Variants in GPC6 observed in about 807,000 individuals in gnomAD.
GPC6 encodes the protein glypican-6.
A neutral mutation model predicts 55.2 loss-of-function variants in GPC6; 14 were observed. That is an observed-to-expected ratio of 0.25 (90% confidence interval 0.17 to 0.40). The LOEUF is 0.40. Among genes scored for constraint, GPC6 ranks in the 10% least tolerant of loss-of-function variants. The probability of loss-of-function intolerance (pLI) is 1.00; values close to 1 mark genes in which losing one functional copy is unlikely to be tolerated. For missense variants in GPC6, 641 were observed against 708.5 expected (o/e 0.90, Z 1.08); for synonymous variants, 278 against 259.6 (o/e 1.07, Z -0.68).
chr13:94,135,704 T>C (rs1887161743), intron 4 of GPC6, among the ~76,000 whole-genome samples: 1 of 152,234 alleles, frequency 6.6e-6, no homozygotes, highest in South Asian at 2.1e-4. Flanking sequence ...AAAGGGAATT[T>C]ATCGAATCAC....
chr13:93,468,318 C>A (rs1272889264), intron 1 of GPC6, among the ~76,000 whole-genome samples: 1 of 151,888 alleles, frequency 6.6e-6, no homozygotes, highest in South Asian at 2.1e-4. Flanking sequence ...GAAGTTTATG[C>A]CTTAAAATGA....
At chr13:94,368,507 C>T (rs1206644086) in intron 6 of GPC6, among the ~76,000 whole-genome samples, 1 of 152,106 alleles carries the variant, frequency 6.6e-6, no homozygotes, top group East Asian at 1.9e-4. Flanking sequence ...TGAAAAATGA[C>T]ACCAAAGAGT....
chr13:93,981,568 A>G (rs963940866), intron 3 of GPC6, among the ~76,000 whole-genome samples: 30 of 152,154 alleles, frequency 2.0e-4, no homozygotes, highest in African/African-American at 6.0e-4. Context: ...TCTTTGCATA[A>G]TTTTCTGGTG....
At chr13:93,804,329 G>A (rs1594471815) in intron 2 of GPC6, among the ~76,000 whole-genome samples, 1 of 152,166 alleles carries the variant, frequency 6.6e-6, no homozygotes, top group South Asian at 2.1e-4. Flanking sequence ...TTGATGATTT[G>A]TAATTGTTTA....
intron 1 of GPC6, among the ~76,000 whole-genome samples, chr13:93,240,120 A>G (rs1876379290): frequency 6.6e-6 from 1 of 152,042 alleles, no homozygotes; most frequent in Non-Finnish European, 1.5e-5. Context: ...TTGGTGTAGA[A>G]TGGTCTGTAA....
chr13:93,597,121 G>C (rs564119379), intron 2 of GPC6, among the ~76,000 whole-genome samples: 1 of 151,894 alleles, frequency 6.6e-6, no homozygotes, highest in Non-Finnish European at 1.5e-5. Flanking sequence ...GGTAGATGGA[G>C]CCAACCCGTA....
intron 3 of GPC6, among the ~76,000 whole-genome samples, chr13:93,903,798 T>G (rs1594574439): frequency 6.6e-6 from 1 of 152,182 alleles, no homozygotes; most frequent in South Asian, 2.1e-4. Flanking sequence ...CCCCAACTGT[T>G]TTTAAAATCC....
intron 6 of GPC6, among the ~76,000 whole-genome samples, chr13:94,371,554 G>C (rs28587431): frequency 0.047 from 7,137 of 152,216 alleles, 238 homozygotes; most frequent in East Asian, 0.072. Flanking sequence ...AGCACCGTCA[G>C]AGTTGTGAAG....
At chr13:94,127,080 G>T (rs1305031150) in intron 4 of GPC6, among the ~76,000 whole-genome samples, 2 of 151,918 alleles carry the variant, frequency 1.3e-5, no homozygotes, top group Non-Finnish European at 2.9e-5. Flanking sequence ...TCTGGGCCTA[G>T]GATGTCACAA....
intron 2 of GPC6, among the ~76,000 whole-genome samples, chr13:93,624,846 A>T (rs1244154503): frequency 1.3e-5 from 2 of 152,366 alleles, no homozygotes; most frequent in African/African-American, 4.8e-5. Flanking sequence ...ACCTATTCAT[A>T]AGAAATAACT....
At chr13:93,336,298 A>C (rs1958422718) in intron 1 of GPC6, among the ~76,000 whole-genome samples, 1 of 152,180 alleles carries the variant, frequency 6.6e-6, no homozygotes, top group African/African-American at 2.4e-5. Context: ...ATTGGATGAG[A>C]CTTTCTTCCA....
At chr13:93,469,481 T>A (rs901843559) in intron 1 of GPC6, among the ~76,000 whole-genome samples, 1 of 152,200 alleles carries the variant, frequency 6.6e-6, no homozygotes, top group African/African-American at 2.4e-5. Context: ...AAAAAAACTC[T>A]TCAATTTTAT....
intron 4 of GPC6, among the ~76,000 whole-genome samples, chr13:94,211,006 G>A (rs1890057578): frequency 6.6e-6 from 1 of 152,216 alleles, no homozygotes; most frequent in Non-Finnish European, 1.5e-5. Context: ...CTGTGTGGGA[G>A]TGTTGGTCTA....
Position 93,702,158 on chromosome 13 carries a change from C to A in GPC6, c.320-127996C>A, listed in dbSNP as rs75660341. The stretch of plus-strand genomic sequence containing the variant: ...AATAGACTTGAAAGTGAAAATTACT[C>A]CTTGATCCATGAGCTATAGATTTGA... On this transcript the variant is annotated intron_variant, in intron 2 of 8. Coordinates refer to ENST00000377047, the MANE Select transcript of GPC6 (RefSeq NM_005708.5). Among the ~76,000 whole-genome samples, 914 of 152,132 alleles carry A rather than the reference C, an allele frequency of 6.0e-3. 10 individuals carry two copies. Among genetic ancestry groups the A allele is most frequent in the African/African-American group, 0.021 (869 of 41,542 alleles).
chr13:93,759,191 C>G (rs1178941509), intron 2 of GPC6, among the ~76,000 whole-genome samples: 1 of 152,120 alleles, frequency 6.6e-6, no homozygotes, highest in Non-Finnish European at 1.5e-5. Context: ...TAACACTTCT[C>G]TGGCTACATC....
chr13:94,218,155 A>G (rs1424373202), intron 4 of GPC6, among the ~76,000 whole-genome samples: 1 of 152,184 alleles, frequency 6.6e-6, no homozygotes, highest in African/African-American at 2.4e-5. Context: ...GTGAAACTCC[A>G]GTGAACTGAA....
chr13:94,273,693 G>A (rs1021178366), intron 4 of GPC6, among the ~76,000 whole-genome samples: 7 of 152,164 alleles, frequency 4.6e-5, no homozygotes, highest in Non-Finnish European at 7.3e-5. Flanking sequence ...ACTGCTCCAG[G>A]AGCTGCTGTT....
intron 4 of GPC6, among the ~76,000 whole-genome samples, chr13:94,141,936 C>T (rs961424727): frequency 2.6e-5 from 4 of 152,108 alleles, no homozygotes; most frequent in Admixed American, 2.6e-4. Context: ...CTATTTATTT[C>T]CCTTTACTTC....
At chr13:94,371,004 A>C (rs545679652) in intron 6 of GPC6, among the ~76,000 whole-genome samples, 32 of 152,316 alleles carry the variant, frequency 2.1e-4, no homozygotes, top group African/African-American at 7.5e-4. Flanking sequence ...GTTTCTTTTC[A>C]AAAGCTATTT....
Sources: allele counts gnomAD v4.1 joint callset (sites outside exome capture counted in the v4.1 genomes callset), GRCh38; gene constraint gnomAD v4.1.1; transcripts MANE v1.5; gene names NCBI Gene and HGNC (gene_info 2026-07-23, HGNC 2026-07-21).